SUSD1: variants seen among roughly 807,000 people sequenced by gnomAD.
SUSD1 encodes the protein sushi domain-containing protein 1.
Under a neutral mutation model 86.9 loss-of-function variants are expected in SUSD1, and 65 were observed. That is an observed-to-expected ratio of 0.75 (90% CI 0.61 to 0.92). SUSD1 has a LOEUF of 0.92. Ranked by LOEUF, SUSD1 falls within the 40% of genes least tolerant of loss-of-function variation. The probability of loss-of-function intolerance (pLI) is 0.00; values close to 1 mark genes in which losing one functional copy is unlikely to be tolerated. For synonymous variants in SUSD1, 346 were observed against 350.0 expected (o/e 0.99, Z 0.13); for missense variants, 850 against 929.7 (o/e 0.91, Z 1.11).
intron 14 of SUSD1, among the ~76,000 whole-genome samples, chr9:112,056,946 G>T (rs571327215): frequency 6.6e-6 from 1 of 152,258 alleles, no homozygotes; most frequent in South Asian, 2.1e-4. Flanking sequence ...AAATGTCTAT[G>T]CCCCTTGCTC....
At chr9:112,104,952 T>C (rs1830776179) in intron 8 of SUSD1, 1 of 151,990 alleles carries the variant, frequency 6.6e-6, no homozygotes, top group Non-Finnish European at 1.5e-5. Flanking sequence ...AGCAAAAGAA[T>C]GGTAAAATTA....
intron 1 of SUSD1, among the ~76,000 whole-genome samples, chr9:112,170,512 G>C (rs1833991162): frequency 6.6e-6 from 1 of 151,806 alleles, no homozygotes; most frequent in Non-Finnish European, 1.5e-5. Context: ...ACCCCACCCA[G>C]CCACCAACAC....
intron 5 of SUSD1, among the ~76,000 whole-genome samples, 193 bp from the exon 6 acceptor site, chr9:112,124,629 T>C (rs72763946): frequency 0.019 from 2,909 of 152,292 alleles, 48 homozygotes; most frequent in South Asian, 0.029. Context: ...ACATAGAGAA[T>C]AGTCAAACTA....
At chr9:112,115,816 A>AAG (rs1283424155) in intron 6 of SUSD1, among the ~76,000 whole-genome samples, 5 of 19,912 alleles carry the variant, frequency 2.5e-4, no homozygotes, top group East Asian at 2.6e-3. Context: ...TGCAAAAAAA[A>AAG]AAAAAAAGAA....
intron 12 of SUSD1, among the ~76,000 whole-genome samples, chr9:112,065,152 G>A (rs566925356): frequency 1.3e-5 from 2 of 152,240 alleles, no homozygotes; most frequent in South Asian, 2.1e-4. Flanking sequence ...CATTCACCTT[G>A]GGGTATCTTA....
chr9:112,098,290 G>T (rs574043023), intron 10 of SUSD1, among the ~76,000 whole-genome samples, 180 bp downstream of exon 10: 3 of 152,078 alleles, frequency 2.0e-5, no homozygotes, highest in Non-Finnish European at 4.4e-5. Context: ...TACCCTTCAG[G>T]GAAGGGGATA....
chr9:112,078,857 A>G, intron 11 of SUSD1, 133 bp from the exon 12 acceptor site: 1 of 691,610 alleles, frequency 1.4e-6, no homozygotes, highest in Non-Finnish European at 2.2e-6. Flanking sequence ...TCTGTCACCC[A>G]TGCTGGAGTG....
intron 2 of SUSD1, 55 bp downstream of exon 2, chr9:112,157,445 G>T: frequency 7.8e-7 from 1 of 1,276,532 alleles, no homozygotes; most frequent in South Asian, 1.3e-5. Context: ...TTTAATACAA[G>T]AGAATCTTGT....
intron 1 of SUSD1, among the ~76,000 whole-genome samples, chr9:112,161,146 G>C (rs972720398): frequency 6.6e-6 from 1 of 152,120 alleles, no homozygotes; most frequent in Non-Finnish European, 1.5e-5. Flanking sequence ...GGGAGGCTGA[G>C]GCAGGTGGAT....
intron 5 of SUSD1, among the ~76,000 whole-genome samples, chr9:112,130,778 C>T (rs950423775): frequency 2.7e-5 from 4 of 150,124 alleles, no homozygotes; most frequent in Non-Finnish European, 5.9e-5. Context: ...AATCCCAGCA[C>T]TTTGGAAAGC....
At chr9:112,171,310 C>A (rs1033346333) in intron 1 of SUSD1, among the ~76,000 whole-genome samples, 6 of 152,114 alleles carry the variant, frequency 3.9e-5, no homozygotes, top group Admixed American at 3.3e-4. Context: ...TGAGTCTCTG[C>A]CAAATGGAAG....
At chr9:112,090,938 C>A (rs1286281569) in intron 10 of SUSD1, among the ~76,000 whole-genome samples, 1 of 152,186 alleles carries the variant, frequency 6.6e-6, no homozygotes, top group Non-Finnish European at 1.5e-5. Flanking sequence ...CTATTGCCTT[C>A]AGAGCCACTT....
chr9:112,173,707 C>A, intron 1 of SUSD1: 1 of 408,182 alleles, frequency 2.4e-6, no homozygotes. Context: ...TAGGCAAGAG[C>A]TGACACCCTT....
intron 12 of SUSD1, among the ~76,000 whole-genome samples, chr9:112,065,410 A>C (rs574924670): frequency 6.6e-6 from 1 of 152,320 alleles, no homozygotes; most frequent in South Asian, 2.1e-4. Flanking sequence ...CTGTAATCCC[A>C]GCTACTCAGG....
rs1273757567 is a variant in SUSD1 at position 112,102,159 on chromosome 9, A to C, written c.1281+17T>G. The stretch of plus-strand genomic sequence containing the variant: ...ATGACACAATTCTTTAATGGAAAGC[A>C]TAAGAGATCTCCTTACTTGGTACAT... On this transcript the variant is annotated intron_variant, in intron 9 of 16. Coordinates refer to ENST00000374270, the MANE Select transcript of SUSD1 (RefSeq NM_022486.5). 1 of 1,428,326 alleles carries C rather than the reference A, an allele frequency of 7.0e-7. No individual in the cohort carries two copies. Among genetic ancestry groups the C allele is most frequent in the African/African-American group, 1.5e-5 (1 of 68,778 alleles). The allele number at this position is 1,428,326 out of a possible 1,614,324, so 88.5% of individuals were successfully genotyped here.
chr9:112,120,987 T>TGG (rs1831531984), intron 6 of SUSD1, among the ~76,000 whole-genome samples: 2 of 152,220 alleles, frequency 1.3e-5, no homozygotes, highest in East Asian at 3.8e-4. Context: ...AGGAGGCAGC[T>TGG]ACCTCACCTC....
At chr9:112,069,676 G>A (rs1414831116) in intron 12 of SUSD1, among the ~76,000 whole-genome samples, 17 of 143,446 alleles carry the variant, frequency 1.2e-4, no homozygotes, top group South Asian at 6.6e-4. Context: ...TGAGAACTCC[G>A]CCCCACCCCA....
At chr9:112,056,530 T>C (rs979153581) in intron 14 of SUSD1, among the ~76,000 whole-genome samples, 3 of 152,222 alleles carry the variant, frequency 2.0e-5, no homozygotes, top group African/African-American at 7.2e-5. Flanking sequence ...GTCACACAAA[T>C]ACAGTTGAAA....
chr9:112,041,513 G>A (rs984976492), intron 16 of SUSD1, 21 bp from the exon 17 acceptor site: 3 of 781,028 alleles, frequency 3.8e-6, no homozygotes, highest in Non-Finnish European at 7.2e-6. Context: ...AGGAGGAAAA[G>A]AAAAGAGACA....
Sources: gnomAD v4.1 joint callset for allele counts (sites outside exome capture counted in the v4.1 genomes callset) on GRCh38, gnomAD v4.1.1 for gene constraint, MANE v1.5 for transcripts, NCBI Gene and HGNC (gene_info 2026-07-23, HGNC 2026-07-21) for gene names.